PTPN4: variants seen among roughly 807,000 people sequenced by gnomAD.
PTPN4 encodes the protein tyrosine-protein phosphatase non-receptor type 4.
PTPN4 carries 49 observed loss-of-function variants against 135.5 expected under a neutral mutation model. The ratio of observed to expected loss-of-function variants is 0.36; its 90% CI spans 0.29 to 0.46. PTPN4 has a LOEUF of 0.46. Ranked by LOEUF, PTPN4 falls within the 20% of genes least tolerant of loss-of-function variation. PTPN4 has a pLI of 1.00. For missense variants in PTPN4, 860 were observed against 1,101.0 expected, an observed-to-expected ratio of 0.78 and a Z score of 3.10; for synonymous variants, 333 against 369.9, an observed-to-expected ratio of 0.90 and a Z score of 1.14.
At chr2:119,761,402 C>A (rs1381435072) in intron 1 of PTPN4, among the ~76,000 whole-genome samples, 2 of 152,088 alleles carry the variant, frequency 1.3e-5, no homozygotes, top group African/African-American at 4.8e-5. Flanking sequence ...AAGGATTGTT[C>A]AGAGCCTAAA....
intron 16 of PTPN4, among the ~76,000 whole-genome samples, 172 bp from the exon 17 acceptor site, chr2:119,946,169 C>G (rs1679129921): frequency 6.6e-6 from 1 of 152,072 alleles, no homozygotes; most frequent in South Asian, 2.1e-4. Context: ...GTTGGGCTAA[C>G]TGCAAGTTAT....
Position 119,862,531 on chromosome 2 carries a change from TACAG to T in PTPN4, c.139-3_139del. On this transcript the variant is annotated splice_acceptor_variant and splice_polypyrimidine_tract_variant and intron_variant, in intron 2 of 26. Coordinates refer to ENST00000263708, the MANE Select transcript of PTPN4 (RefSeq NM_002830.4). LOFTEE classifies it high-confidence loss of function. Reference sequence around the variant, plus strand: ...ATTTCATTCAATTTTTTTTTTTTTTTACAGAAACATGATCAGGGGCAAGTCTTGT... The same window carrying T: ...ATTTCATTCAATTTTTTTTTTTTTTTAAACATGATCAGGGGCAAGTCTTGT... 6.3e-7 allele frequency: 1 copy of T among 1,586,002 alleles called. No individual in the cohort carries two copies. The highest frequency in any genetic ancestry group is 1.8e-5 in the Admixed American group (1 of 57,034).
chr2:119,768,342 A>T (rs1690671655), intron 1 of PTPN4, among the ~76,000 whole-genome samples: 1 of 152,108 alleles, frequency 6.6e-6, no homozygotes, highest in Admixed American at 6.5e-5. Context: ...TTTCCAAGGA[A>T]TCCTGATTTT....
intron 26 of PTPN4, among the ~76,000 whole-genome samples, chr2:119,976,144 C>G (rs1206012899): frequency 2.0e-5 from 3 of 151,576 alleles, no homozygotes; most frequent in Non-Finnish European, 4.4e-5. Context: ...TACAGGCACC[C>G]ACTACCACGC....
At chr2:119,820,697 A>G (rs976684045) in intron 2 of PTPN4, among the ~76,000 whole-genome samples, 26 of 152,196 alleles carry the variant, frequency 1.7e-4, no homozygotes, top group African/African-American at 5.3e-4. Flanking sequence ...CAGTATCTGT[A>G]TATCAGGAAT....
chr2:119,874,092 G>A (rs1409201038), intron 3 of PTPN4, among the ~76,000 whole-genome samples: 2 of 152,090 alleles, frequency 1.3e-5, no homozygotes, highest in African/African-American at 4.8e-5. Context: ...ACCAAATATG[G>A]TATAGCTATA....
intron 10 of PTPN4, among the ~76,000 whole-genome samples, chr2:119,909,016 G>C (rs933541043): frequency 6.6e-6 from 1 of 152,142 alleles, no homozygotes; most frequent in African/African-American, 2.4e-5. Flanking sequence ...TGAGAAAGCT[G>C]CAGAAGAAAA....
chr2:119,865,169 T>C (rs1677813914), intron 3 of PTPN4, among the ~76,000 whole-genome samples: 1 of 152,100 alleles, frequency 6.6e-6, no homozygotes, highest in African/African-American at 2.4e-5. Flanking sequence ...TTATAAACAG[T>C]GTCCCATTTC....
At chr2:119,907,381 C>T (rs2105019622) in intron 10 of PTPN4, among the ~76,000 whole-genome samples, 1 of 152,264 alleles carries the variant, frequency 6.6e-6, no homozygotes, top group South Asian at 2.1e-4. Context: ...AAGAGGATTG[C>T]TTGAGGCCAG....
At chr2:119,932,184 C>G (rs1678916420) in intron 13 of PTPN4, 1 of 244,192 alleles carries the variant, frequency 4.1e-6, no homozygotes, top group Non-Finnish European at 7.8e-6. Context: ...TTTTTCTCAT[C>G]CTTCTTATTG....
intron 1 of PTPN4, among the ~76,000 whole-genome samples, chr2:119,801,499 C>T (rs545464081): frequency 6.6e-6 from 1 of 152,200 alleles, no homozygotes; most frequent in Non-Finnish European, 1.5e-5. Flanking sequence ...AGAGAATTGA[C>T]GTGTTTACTA....
chr2:119,828,880 G>A (rs1164419992), intron 2 of PTPN4, among the ~76,000 whole-genome samples: 1 of 152,138 alleles, frequency 6.6e-6, no homozygotes, highest in Admixed American at 6.5e-5. Context: ...TAGGTGATAG[G>A]AATTTTTTAT....
At chr2:119,827,489 G>A (rs1677162307) in intron 2 of PTPN4, among the ~76,000 whole-genome samples, 1 of 152,206 alleles carries the variant, frequency 6.6e-6, no homozygotes, top group African/African-American at 2.4e-5. Context: ...GAATGAATGT[G>A]AACTAGTATT....
chr2:119,951,898 A>G (rs1206009366), intron 18 of PTPN4, 75 bp from the exon 19 acceptor site: 1 of 1,245,518 alleles, frequency 8.0e-7, no homozygotes, highest in East Asian at 2.7e-5. Flanking sequence ...TATTGGGTCT[A>G]TTAAAATAAA....
At chr2:119,866,632 C>T (rs1677838903) in intron 3 of PTPN4, among the ~76,000 whole-genome samples, 1 of 152,030 alleles carries the variant, frequency 6.6e-6, no homozygotes, top group African/African-American at 2.4e-5. Context: ...ATTAACACTA[C>T]TAAGTTATGA....
intron 1 of PTPN4, among the ~76,000 whole-genome samples, chr2:119,787,412 TTATTAA>T (rs1372284605): frequency 6.6e-6 from 1 of 152,182 alleles, no homozygotes; most frequent in Non-Finnish European, 1.5e-5. Context: ...AGTAGTATTC[TTATTAA>T]TATTCAAGAT....
At chr2:119,876,897 A>ATATGTG (rs1491120929) in intron 3 of PTPN4, among the ~76,000 whole-genome samples, 28 of 136,138 alleles carry the variant, frequency 2.1e-4, no homozygotes, top group African/African-American at 5.7e-4. Context: ...GCCCAAGAGC[A>ATATGTG]TGTGTGTGTG....
intron 2 of PTPN4, among the ~76,000 whole-genome samples, chr2:119,855,294 C>T (rs758942489): frequency 1.3e-5 from 2 of 152,004 alleles, no homozygotes; most frequent in African/African-American, 2.4e-5. Context: ...AGGGATGTCC[C>T]CAGATGATGC....
At chr2:119,810,103 G>C in intron 2 of PTPN4, 112 bp downstream of exon 2, 1 of 1,271,516 alleles carries the variant, frequency 7.9e-7, no homozygotes, top group Non-Finnish European at 1.1e-6. Flanking sequence ...TCTTATTCAA[G>C]TAAAAAAGTC....
Sources: allele counts gnomAD v4.1 joint callset (sites outside exome capture counted in the v4.1 genomes callset), GRCh38; gene constraint gnomAD v4.1.1; transcripts MANE v1.5; gene names NCBI Gene and HGNC (gene_info 2026-07-23, HGNC 2026-07-21).